The following DNAJC5B variants were observed in gnomAD, a reference collection of about 807,000 sequenced individuals.
DNAJC5B encodes DnaJ heat shock protein family (Hsp40) member C5 beta, also known as dnaJ homolog subfamily C member 5B.
DNAJC5B carries 23 observed loss-of-function variants against 24.7 expected under a neutral mutation model. The observed-to-expected ratio is 0.93, with a 90% CI of 0.67 to 1.32. The LOEUF (loss-of-function observed/expected upper bound fraction) is 1.32. DNAJC5B is among the 40% of genes most tolerant of loss of function. DNAJC5B has a pLI of 0.00. For missense variants in DNAJC5B, 238 were observed against 240.8 expected, an observed-to-expected ratio of 0.99 and a Z score of 0.08; for synonymous variants, 101 against 90.1, an observed-to-expected ratio of 1.12 and a Z score of -0.68.
intron 3 of DNAJC5B, among the ~76,000 whole-genome samples, chr8:66,056,198 C>T (rs980303703): frequency 3.9e-5 from 6 of 152,088 alleles, no homozygotes; most frequent in Admixed American, 1.3e-4. Context: ...TTTCCCAATA[C>T]CCAATCTAGC....
chr8:66,027,327 A>G (rs530274328), intron 1 of DNAJC5B, among the ~76,000 whole-genome samples: 10 of 152,176 alleles, frequency 6.6e-5, no homozygotes, highest in Non-Finnish European at 1.2e-4. Flanking sequence ...CAAGTACACA[A>G]TCTGGCCACC....
At chr8:66,073,131 T>G (rs1184232566) in intron 3 of DNAJC5B, among the ~76,000 whole-genome samples, 1 of 152,050 alleles carries the variant, frequency 6.6e-6, no homozygotes, top group Non-Finnish European at 1.5e-5. Flanking sequence ...TGTAGAAAAT[T>G]TAAAAGAATT....
At chr8:66,034,596 A>T (rs1439570696) in intron 1 of DNAJC5B, among the ~76,000 whole-genome samples, 1 of 151,810 alleles carries the variant, frequency 6.6e-6, no homozygotes, top group Non-Finnish European at 1.5e-5. Flanking sequence ...AGAAAGGCAA[A>T]GCTGGAGTTT....
intron 3 of DNAJC5B, among the ~76,000 whole-genome samples, chr8:66,066,020 C>G (rs545634382): frequency 6.6e-6 from 1 of 152,234 alleles, no homozygotes; most frequent in South Asian, 2.1e-4. Context: ...CAGACTGGCT[C>G]TACGTGGCTG....
At chr8:66,076,473 C>T (rs1807464818) in intron 3 of DNAJC5B, among the ~76,000 whole-genome samples, 187 bp from the exon 4 acceptor site, 1 of 152,172 alleles carries the variant, frequency 6.6e-6, no homozygotes, top group African/African-American at 2.4e-5. Context: ...ACTATTGCGC[C>T]TGTGCATTCG....
At chr8:66,029,930 T>C (rs910263177) in intron 1 of DNAJC5B, among the ~76,000 whole-genome samples, 1 of 152,164 alleles carries the variant, frequency 6.6e-6, no homozygotes, top group Non-Finnish European at 1.5e-5. Flanking sequence ...TTCCAGTTGA[T>C]ATGGGGCCTG....
chr8:66,074,389 G>T (rs951215476), intron 3 of DNAJC5B, among the ~76,000 whole-genome samples: 1 of 152,200 alleles, frequency 6.6e-6, no homozygotes, highest in Admixed American at 6.5e-5. Flanking sequence ...GAGGGCTTTA[G>T]ATAATTATAA....
intron 5 of DNAJC5B, among the ~76,000 whole-genome samples, chr8:66,090,909 G>T (rs1586118394): frequency 6.6e-6 from 1 of 152,126 alleles, no homozygotes; most frequent in Non-Finnish European, 1.5e-5. Flanking sequence ...AACTAGTCAA[G>T]AATGCTTTGC....
chr8:66,087,877 T>A (rs1338628989), intron 5 of DNAJC5B, among the ~76,000 whole-genome samples: 1 of 152,214 alleles, frequency 6.6e-6, no homozygotes, highest in Non-Finnish European at 1.5e-5. Context: ...TGAGTGCCTG[T>A]GGCTTTTCCA....
At chr8:66,054,377 C>T (rs192880692) in intron 3 of DNAJC5B, among the ~76,000 whole-genome samples, 1 of 152,242 alleles carries the variant, frequency 6.6e-6, no homozygotes, top group Admixed American at 6.5e-5. Flanking sequence ...AAATATTCAC[C>T]GTATCTTCTT....
At chr8:66,057,382 T>A (rs1367630434) in intron 3 of DNAJC5B, 1 of 152,132 alleles carries the variant, frequency 6.6e-6, no homozygotes, top group African/African-American at 2.4e-5. Context: ...ATGTTCCCGA[T>A]CTGAACAACC....
chr8:66,089,679 C>A (rs1003070273), intron 5 of DNAJC5B, among the ~76,000 whole-genome samples: 3 of 152,086 alleles, frequency 2.0e-5, no homozygotes, highest in Non-Finnish European at 4.4e-5. Flanking sequence ...AGTGGTGGTA[C>A]AGGGTGGGAT....
chr8:66,053,186 C>G (rs1806888689), intron 3 of DNAJC5B, among the ~76,000 whole-genome samples: 1 of 152,200 alleles, frequency 6.6e-6, no homozygotes, highest in Non-Finnish European at 1.5e-5. Context: ...ATCCTCCCAC[C>G]TTGGCCACCC....
chr8:66,074,119 G>T (rs1188072321), intron 3 of DNAJC5B, among the ~76,000 whole-genome samples: 1 of 152,062 alleles, frequency 6.6e-6, no homozygotes, highest in Non-Finnish European at 1.5e-5. Flanking sequence ...ATTTGTAAAG[G>T]ACTAACATGC....
intron 4 of DNAJC5B, 112 bp downstream of exon 4, chr8:66,076,985 A>G (rs1807482260): frequency 9.4e-7 from 1 of 1,067,372 alleles, no homozygotes; most frequent in Non-Finnish European, 1.4e-6. Flanking sequence ...ACTCTGGTAA[A>G]TAAAAGGAGA....
At chr8:66,097,800 T>G (rs1036269897) in intron 5 of DNAJC5B, among the ~76,000 whole-genome samples, 1 of 152,190 alleles carries the variant, frequency 6.6e-6, no homozygotes, top group African/African-American at 2.4e-5. Context: ...GCTCCATAGT[T>G]TTAGCTTCCA....
intron 3 of DNAJC5B, among the ~76,000 whole-genome samples, chr8:66,053,520 C>T (rs1350779643): frequency 1.3e-5 from 2 of 152,040 alleles, no homozygotes; most frequent in African/African-American, 2.4e-5. Context: ...ATCCATAATC[C>T]TACCTCCAGT....
At chr8:66,043,038 G>A (rs1009795810) in intron 1 of DNAJC5B, among the ~76,000 whole-genome samples, 1 of 152,158 alleles carries the variant, frequency 6.6e-6, no homozygotes, top group Non-Finnish European at 1.5e-5. Context: ...ATGTCTGTGA[G>A]AGTATGGACA....
intron 3 of DNAJC5B, among the ~76,000 whole-genome samples, chr8:66,064,502 C>G (rs1242347039): frequency 1.3e-5 from 2 of 152,180 alleles, no homozygotes; most frequent in Non-Finnish European, 2.9e-5. Flanking sequence ...AGCCATTTCT[C>G]CTACACCGCA....
Sources: gnomAD v4.1 joint callset for allele counts (sites outside exome capture counted in the v4.1 genomes callset) on GRCh38, gnomAD v4.1.1 for gene constraint, MANE v1.5 for transcripts, NCBI Gene and HGNC (gene_info 2026-07-23, HGNC 2026-07-21) for gene names.